SPAG5: variants seen among roughly 807,000 people sequenced by gnomAD.
SPAG5 encodes the protein sperm associated antigen 5, also known as sperm-associated antigen 5.
SPAG5 carries 99 observed loss-of-function variants against 145.4 expected under a neutral mutation model. The observed-to-expected ratio is 0.68, with a 90% CI of 0.58 to 0.80. SPAG5 has a LOEUF of 0.80. Among genes scored for constraint, SPAG5 ranks in the 30% least tolerant of loss-of-function variants. The pLI, the probability that SPAG5 is intolerant of heterozygous loss-of-function variation, is 0.00. For synonymous variants in SPAG5, 477 were observed against 525.4 expected (o/e 0.91, Z 1.26); for missense variants, 1,192 against 1,416.0 (o/e 0.84, Z 2.54).
At chr17:28,590,325 C>T (rs1197306233) in intron 4 of SPAG5, among the ~76,000 whole-genome samples, 2 of 152,070 alleles carry the variant, frequency 1.3e-5, no homozygotes, top group Admixed American at 6.5e-5. Context: ...GAACTCCTAG[C>T]CTCAAGTGAT....
Position 28,584,394 on chromosome 17 carries a change from G to A in SPAG5, c.2248C>T (p.Leu750=), listed in dbSNP as rs1464104457. 1.2e-6 allele frequency: 2 copies of A among 1,614,198 alleles called. No homozygotes were observed. The highest frequency in any genetic ancestry group is 3.3e-5 in the Admixed American group (2 of 60,026). The change falls in exon 12 of 24, where the codon CTG becomes TTG. Residue 750 remains leucine, a synonymous_variant. Transcript: ENST00000321765. ...CAGAGTAACTCATCCTTCATAGCCA[G>A]GTCCTGGGCACAATGGGTATGCTGA... is the stretch of plus-strand genomic sequence containing the variant. ...QSQHTHCAQD[L]AMKDELLCQL...
In SPAG5 at chr17:28,591,679, T is replaced by C; in HGVS notation, c.1437+19A>G. 1 of 1,587,008 alleles carries C rather than the reference T, an allele frequency of 6.3e-7. No homozygotes were observed. Among genetic ancestry groups the C allele is most frequent in the African/African-American group, 1.4e-5 (1 of 74,052 alleles). On this transcript the variant is annotated intron_variant, in intron 4 of 23. Transcript: ENST00000321765. ...GATCCCCACTGGGATCCCTCAAGCTTTGAGAGGAACCTTCTTACCCCACTG... is the reference window on the plus strand; with the variant it reads ...GATCCCCACTGGGATCCCTCAAGCTCTGAGAGGAACCTTCTTACCCCACTG...
intron 5 of SPAG5, 67 bp from the exon 6 acceptor site, chr17:28,586,249 G>A: frequency 7.2e-7 from 1 of 1,391,280 alleles, no homozygotes; most frequent in Non-Finnish European, 1.0e-6. Flanking sequence ...GGGCACTGGG[G>A]AGGAAAACCG....
At chr17:28,597,466 G>A (rs1420655391) in intron 2 of SPAG5, among the ~76,000 whole-genome samples, 1 of 152,168 alleles carries the variant, frequency 6.6e-6, no homozygotes, top group East Asian at 1.9e-4. Context: ...CGTTTTAAGT[G>A]CTCAATAACC....
chr17:28,581,703 G>A (rs1157768665), intron 15 of SPAG5, among the ~76,000 whole-genome samples: 2 of 152,104 alleles, frequency 1.3e-5, no homozygotes, highest in East Asian at 3.9e-4. Context: ...GGTCTCTCCC[G>A]CTGACTGGTT....
At chr17:28,582,006 G>A (rs190678108) in intron 15 of SPAG5, among the ~76,000 whole-genome samples, 1 of 152,030 alleles carries the variant, frequency 6.6e-6, no homozygotes, top group Non-Finnish European at 1.5e-5. Flanking sequence ...ACATCAAATT[G>A]GTCACTCTTA....
intron 4 of SPAG5, among the ~76,000 whole-genome samples, chr17:28,587,253 A>G (rs2151521332): frequency 6.6e-6 from 1 of 151,536 alleles, no homozygotes; most frequent in East Asian, 1.9e-4. Context: ...ATCTCTAAAA[A>G]AAAAAAAAAA....
At chr17:28,587,401 C>T (rs565346091) in intron 4 of SPAG5, among the ~76,000 whole-genome samples, 46 of 152,136 alleles carry the variant, frequency 3.0e-4, no homozygotes, top group African/African-American at 1.1e-3. Flanking sequence ...ACAAAATTAG[C>T]CAGGCGTGGT....
At position 28,579,799 on chromosome 17, in the gene SPAG5, T is replaced by C; in HGVS notation, c.2836A>G (p.Lys946Glu). Residue 946 changes from lysine to glutamate, a missense_variant, in exon 17 of 24, where the codon AAG becomes GAG. This residue lies in a region of SPAG5 where 709 missense variants were observed against 840.7 expected (regional missense o/e 0.84). Coordinates refer to ENST00000321765, the MANE Select transcript of SPAG5 (RefSeq NM_006461.4). The part of the protein sequence containing the change: ...STPVPLLGSD[K>E]SAFTRVASMV... Reference sequence around the variant, plus strand: ...GATGCTACTCGGGTGAAAGCACTCTTGTCACTTCCAAGCAAGGGCACAGGA... The same window carrying C: ...GATGCTACTCGGGTGAAAGCACTCTCGTCACTTCCAAGCAAGGGCACAGGA... 1 of 1,614,092 alleles carries C rather than the reference T, an allele frequency of 6.2e-7. No individual in the cohort carries two copies. The highest frequency in any genetic ancestry group is 8.5e-7 in the Non-Finnish European group (1 of 1,180,026).
chr17:28,583,325 G>A (rs1418680505), intron 15 of SPAG5, among the ~76,000 whole-genome samples, 186 bp downstream of exon 15: 2 of 152,160 alleles, frequency 1.3e-5, no homozygotes, highest in African/African-American at 2.4e-5. Context: ...GTCTAGCTGG[G>A]GCAAAGTGTT....
Position 28,598,972 on chromosome 17 carries a change from C to G in SPAG5, c.-26G>C. 6.2e-7 allele frequency: 1 copy of G among 1,612,086 alleles called. No individual in the cohort carries two copies. Among genetic ancestry groups the G allele is most frequent in the Non-Finnish European group, 8.5e-7 (1 of 1,178,226 alleles). ...CTTCAACCAGAAGGCAGGCCTATCACGTCTCAGACCAAGTCGAGGACGCCA... is the reference window on the plus strand; with the variant it reads ...CTTCAACCAGAAGGCAGGCCTATCAGGTCTCAGACCAAGTCGAGGACGCCA... On this transcript the variant is annotated 5_prime_UTR_variant, in exon 1 of 24. Transcript: ENST00000321765.
At chr17:28,584,960 G>T in intron 10 of SPAG5, 142 bp downstream of exon 10, 1 of 826,708 alleles carries the variant, frequency 1.2e-6, no homozygotes, top group African/African-American at 1.7e-5. Flanking sequence ...CTGCGCTTAA[G>T]GCCATCTTAC....
chr17:28,579,075 G>T, intron 19 of SPAG5, 66 bp downstream of exon 19: 1 of 1,316,168 alleles, frequency 7.6e-7, no homozygotes, highest in Non-Finnish European at 1.1e-6. Context: ...GAGAGATAAT[G>T]GCTCCCAGTG....
intron 2 of SPAG5, among the ~76,000 whole-genome samples, chr17:28,595,089 C>G (rs2070652913): frequency 6.6e-6 from 1 of 151,812 alleles, no homozygotes; most frequent in South Asian, 2.1e-4. Context: ...GAAACCCCAT[C>G]TCTACTCAAA....
In SPAG5 at chr17:28,592,112, G is replaced by A. The variant is rs146130066; in HGVS notation, c.1132C>T (p.Pro378Ser). The A allele has an allele frequency of 1.2e-6, 2 of 1,614,038 alleles. No homozygotes were observed. Among genetic ancestry groups the A allele is most frequent in the Admixed American group, 1.7e-5 (1 of 59,996 alleles). ...GTCCCCACCGAGCAAGTAGAGAAAG[G>A]GGTAGTGCCAATTGCAGCATCCCGA... is the stretch of plus-strand genomic sequence containing the variant. ...MLRDAAIGTT[P>S]FSTCSVGTWF... is the part of the protein sequence containing the mutation. Residue 378 changes from proline to serine, a missense_variant, in exon 3 of 24, where the codon CCT (proline) becomes TCT (serine). Pro to Ser is a moderately conservative substitution (Grantham distance 74). This residue lies in a region of SPAG5 where 125 missense variants were observed against 143.8 expected (regional missense o/e 0.87). Coordinates refer to ENST00000321765, the MANE Select transcript of SPAG5 (RefSeq NM_006461.4).
chr17:28,594,486 T>C (rs1027496355), intron 2 of SPAG5, among the ~76,000 whole-genome samples: 5 of 152,016 alleles, frequency 3.3e-5, no homozygotes, highest in Admixed American at 1.3e-4. Context: ...TCCCAGCTAT[T>C]TGGGAGGCTG....
intron 2 of SPAG5, among the ~76,000 whole-genome samples, chr17:28,594,624 A>G (rs561003345): frequency 2.2e-4 from 33 of 152,152 alleles, no homozygotes; most frequent in Admixed American, 1.6e-3. Context: ...AATCAAACAT[A>G]TGAAATTTCT....
chr17:28,585,537 T>C lies in SPAG5; in HGVS notation c.1857A>G (p.Gln619=), dbSNP rs185302982. 7.4e-5 allele frequency: 119 copies of C among 1,614,002 alleles called. No homozygotes were observed. Among genetic ancestry groups the C allele is most frequent in the Admixed American group, 2.5e-4 (15 of 60,030 alleles). ...AAAGAAAATGCCCTTAAATTACCAGTTGGGTCTGGGCATCCTTCAGAAGGC... is the reference window on the plus strand; with the variant it reads ...AAAGAAAATGCCCTTAAATTACCAGCTGGGTCTGGGCATCCTTCAGAAGGC... ...FRGLLKDAQT[Q]LVGLHAKQEE... is the part of the protein sequence containing the mutation. Residue 619 remains glutamine, a synonymous_variant, in exon 8 of 24, where the codon CAA becomes CAG. Transcript: ENST00000321765.
Position 28,592,410 on chromosome 17 carries a change from T to G in SPAG5, c.834A>C (p.Arg278Ser). The change falls in exon 3 of 24, where the codon AGA (arginine) becomes AGC (serine). Residue 278 changes from arginine to serine, a missense_variant. Coordinates refer to ENST00000321765, the MANE Select transcript of SPAG5 (RefSeq NM_006461.4). ...EIVEHGAMEE[R>S]EMRFPTHPKE... is the part of the protein sequence containing the mutation. ...TAGGATGTGTGGGAAACCTCATTTC[T>G]CTTTCCTCCATAGCTCCATGCTCTA... 6.2e-7 allele frequency: 1 copy of G among 1,614,042 alleles called. No homozygotes were observed. Among genetic ancestry groups the G allele is most frequent in the Non-Finnish European group, 8.5e-7 (1 of 1,180,022 alleles).
Sources: allele counts gnomAD v4.1 joint callset (sites outside exome capture counted in the v4.1 genomes callset), GRCh38; gene constraint gnomAD v4.1.1; regional missense constraint gnomAD v4.1.1; transcripts MANE v1.5; gene names NCBI Gene and HGNC (gene_info 2026-07-23, HGNC 2026-07-21).